The following MIDEAS variants were observed in gnomAD, a reference collection of about 807,000 sequenced individuals.
The protein encoded by MIDEAS is mitotic deacetylase-associated SANT domain protein.
MIDEAS carries 26 observed loss-of-function variants against 102.7 expected under a neutral mutation model. The observed-to-expected ratio is 0.25, with a 90% CI of 0.19 to 0.35. The LOEUF is 0.35. MIDEAS is among the 10% of genes least tolerant of loss of function. The pLI is 1.00. For missense variants in MIDEAS, 1,231 were observed against 1,435.6 expected (o/e 0.86, Z 2.30); for synonymous variants, 585 against 591.0 (o/e 0.99, Z 0.15).
chr14:73,757,337 T>C (rs1193459239), intron 1 of MIDEAS, among the ~76,000 whole-genome samples: 3 of 143,362 alleles, frequency 2.1e-5, no homozygotes, highest in African/African-American at 7.9e-5. Flanking sequence ...GTGGGACCCA[T>C]TCAAGCAGAG....
intron 1 of MIDEAS, chr14:73,758,746 T>G (rs544877281): frequency 6.5e-6 from 1 of 154,544 alleles, no homozygotes; most frequent in Middle Eastern, 5.1e-4. Flanking sequence ...CAGCTCTCGC[T>G]GGAGGCTGGG....
rs192039505 is a variant in MIDEAS, at chr14:73,752,856, T to A, written c.-248+6907A>T. Among the ~76,000 whole-genome samples the A allele has an allele frequency of 1.4e-3, 215 of 152,304 alleles. 1 individual carries two copies. Among genetic ancestry groups the A allele is most frequent in the African/African-American group, 4.9e-3 (202 of 41,570 alleles). ...ACACCCAGAGGCCTTTGGCACAGCATGCGGGCACAGCAGAGCATCCAGCCC... is the reference window on the plus strand; with the variant it reads ...ACACCCAGAGGCCTTTGGCACAGCAAGCGGGCACAGCAGAGCATCCAGCCC... On this transcript the variant is annotated intron_variant, in intron 1 of 12. Transcript: ENST00000423556.
chr14:73,774,267 C>T (rs917529278), intron 1 of MIDEAS, among the ~76,000 whole-genome samples: 6 of 151,804 alleles, frequency 4.0e-5, no homozygotes, highest in East Asian at 2.0e-4. Flanking sequence ...CATAGACAAA[C>T]GGAGACTGCA....
At chr14:73,756,230 T>C (rs2053477109) in intron 1 of MIDEAS, among the ~76,000 whole-genome samples, 1 of 151,562 alleles carries the variant, frequency 6.6e-6, no homozygotes, top group African/African-American at 2.4e-5. Flanking sequence ...CTCCAACTAT[T>C]ATTGCTCCCA....
rs1283090558 is a variant in MIDEAS at position 73,739,756 on chromosome 14, C to T, written c.253G>A (p.Ala85Thr). The T allele has an allele frequency of 6.2e-7, 1 of 1,613,766 alleles. No homozygotes were observed. The highest frequency in any genetic ancestry group is 1.3e-5 in the African/African-American group (1 of 75,072). Reference sequence around the variant, plus strand: ...GCCACCTGCTGGGACAGCATGGCTGCTGAGGTCCGCTCAGGCCCATATACC... The same window carrying T: ...GCCACCTGCTGGGACAGCATGGCTGTTGAGGTCCGCTCAGGCCCATATACC... ...SVVYGPERTS[A>T]AMLSQQVASV... The change falls in exon 2 of 13, where the codon GCA becomes ACA. Residue 85 changes from alanine (A) to threonine (T), a missense_variant. By Grantham distance (58) the Ala-to-Thr change is moderately conservative (BLOSUM62 0). Transcript: ENST00000423556.
chr14:73,729,535 C>G, intron 4 of MIDEAS, 105 bp downstream of exon 4: 1 of 922,992 alleles, frequency 1.1e-6, no homozygotes, highest in South Asian at 1.7e-5. Context: ...GCTCCTTCTC[C>G]CAGAGTGTTC....
rs1160495073 is a variant in MIDEAS at position 73,725,408 on chromosome 14, C to A, written c.2486-48G>T. ...GGGAGTGAGGTGGGCAGGGCCCTGGCCACTGCAGGGCAATTTTGACAAGCA... is the reference window on the plus strand; with the variant it reads ...GGGAGTGAGGTGGGCAGGGCCCTGGACACTGCAGGGCAATTTTGACAAGCA... On this transcript the variant is annotated intron_variant, in intron 8 of 12. Coordinates refer to ENST00000423556, the MANE Select transcript of MIDEAS (RefSeq NM_001367710.1). The surrounding 1 kb of genome is among the most constrained non-coding windows in gnomAD (Gnocchi z 4.1). 1.3e-5 allele frequency: 19 copies of A among 1,512,366 alleles called. No homozygotes were observed. Among genetic ancestry groups the A allele is most frequent in the Non-Finnish European group, 1.7e-5 (18 of 1,088,492 alleles). The allele number at this position is 1,512,366 out of a possible 1,614,324, so 93.7% of individuals were successfully genotyped here.
At chr14:73,761,718 AC>A (rs1164314661), upstream of MIDEAS, among the ~76,000 whole-genome samples, 1 of 152,164 alleles carries the variant, frequency 6.6e-6, no homozygotes, top group African/African-American at 2.4e-5. Flanking sequence ...ATCTGTGATG[AC>A]AGTATTGTTC....
intron 1 of MIDEAS, among the ~76,000 whole-genome samples, chr14:73,752,121 T>C (rs2053427353): frequency 6.6e-6 from 1 of 152,060 alleles, no homozygotes; most frequent in South Asian, 2.1e-4. Flanking sequence ...ATAACTTAAC[T>C]TCCTAAATAA....
At chr14:73,751,807 G>C (rs2053423755) in intron 1 of MIDEAS, among the ~76,000 whole-genome samples, 1 of 152,202 alleles carries the variant, frequency 6.6e-6, no homozygotes, top group East Asian at 1.9e-4. Context: ...GGCTGAGGCA[G>C]AAGAATCGCT....
chr14:73,779,507 A>G (rs1370146129), intron 1 of MIDEAS, among the ~76,000 whole-genome samples: 1 of 150,426 alleles, frequency 6.6e-6, no homozygotes, highest in Non-Finnish European at 1.5e-5. Context: ...CTCCTAATAT[A>G]TAATCAAGGT....
intron 1 of MIDEAS, among the ~76,000 whole-genome samples, chr14:73,747,262 T>C (rs1490351029): frequency 6.6e-6 from 1 of 152,102 alleles, no homozygotes; most frequent in African/African-American, 2.4e-5. Context: ...CGGAGGGCAG[T>C]GGACTGTTTG....
intron 10 of MIDEAS, 41 bp downstream of exon 10, chr14:73,722,657 C>CAG: frequency 6.2e-7 from 1 of 1,605,090 alleles, no homozygotes; most frequent in Non-Finnish European, 8.5e-7. Flanking sequence ...GTCCCAGACC[C>CAG]AGCCCAGGCT....
chr14:73,789,184 A>G (rs1179247645), upstream of MIDEAS: 1 of 152,110 alleles, frequency 6.6e-6, no homozygotes, highest in African/African-American at 2.4e-5. Flanking sequence ...AGTTCTGACA[A>G]ATAGAATATG....
chr14:73,773,218 C>A (rs545646762), intron 1 of MIDEAS, among the ~76,000 whole-genome samples: 57 of 152,038 alleles, frequency 3.7e-4, no homozygotes, highest in African/African-American at 1.3e-3. Context: ...CCTAGCAACA[C>A]CTGTCAATCC....
chr14:73,785,135 T>TC lies in MIDEAS; in HGVS notation c.-248+1966dup, dbSNP rs2053794314. 2.0e-5 allele frequency among the ~76,000 whole-genome samples: 3 copies of TC among 152,236 alleles called. No individual in the cohort carries two copies. The South Asian group carries it at 6.2e-4, about 31-fold the overall frequency. ...ACAGCAACGTAGCTGGGCTGAGTGC[T>TC]CCCCATGAGCGTCTTCTGCCTAGGA... is the stretch of plus-strand genomic sequence containing the variant. On this transcript the variant is annotated intron_variant, in intron 1 of 11. Coordinates refer to the MIDEAS transcript ENST00000394071.
chr14:73,762,863 G>A (rs539658918), upstream of MIDEAS, among the ~76,000 whole-genome samples: 2 of 152,256 alleles, frequency 1.3e-5, no homozygotes, highest in East Asian at 3.9e-4. Context: ...AGTGTGACAA[G>A]AGAGAAACAC....
At position 73,715,438 on chromosome 14, in the gene MIDEAS, T is replaced by C. The variant is rs1056252332; in HGVS notation, c.*3405A>G. 2 of 152,682 alleles carry C rather than the reference T, an allele frequency of 1.3e-5. No individual in the cohort carries two copies. Among genetic ancestry groups the C allele is most frequent in the African/African-American group, 4.8e-5 (2 of 41,480 alleles). 9.5% of individuals were successfully genotyped at this position (152,682 alleles called of 1,614,324 possible). A position where few individuals can be genotyped will look rare whatever the true frequency, so the allele number is the denominator to read the frequency against. ...AATAAAAGGAATATACTTATTTATA[T>C]GCTATTAAAATATCTGTACAATAAT... On this transcript the variant is annotated 3_prime_UTR_variant, in exon 13 of 13. Coordinates refer to ENST00000423556, the MANE Select transcript of MIDEAS (RefSeq NM_001367710.1).
At chr14:73,758,925 G>A (rs987546917) in intron 1 of MIDEAS, 5 of 153,028 alleles carry the variant, frequency 3.3e-5, no homozygotes, top group Non-Finnish European at 5.9e-5. Context: ...CTGCATGTGC[G>A]ACTTGGGAGG....
Sources: gnomAD v4.1 joint callset for allele counts (sites outside exome capture counted in the v4.1 genomes callset) on GRCh38, gnomAD v4.1.1 for gene constraint, Gnocchi (gnomAD v3.1) non-coding constraint, MANE v1.5 for transcripts, NCBI Gene and HGNC (gene_info 2026-07-23, HGNC 2026-07-21) for gene names.